The following PGGHG variants were observed in gnomAD, a reference collection of about 807,000 sequenced individuals.
The protein encoded by PGGHG is protein-glucosylgalactosylhydroxylysine glucosidase.
PGGHG carries 67 observed loss-of-function variants against 74.5 expected under a neutral mutation model. That is an observed-to-expected ratio of 0.90 (90% CI 0.74 to 1.10). PGGHG has a LOEUF of 1.10. Ranked by LOEUF, PGGHG falls within the 50% of genes least tolerant of loss-of-function variation. The probability of loss-of-function intolerance (pLI) is 0.00; values close to 1 mark genes in which losing one functional copy is unlikely to be tolerated. For missense variants in PGGHG, 1,034 were observed against 981.5 expected, an observed-to-expected ratio of 1.05 and a Z score of -0.72; for synonymous variants, 496 against 419.9, an observed-to-expected ratio of 1.18 and a Z score of -2.21.
At position 293,701 on chromosome 11, in the gene PGGHG, TC is replaced by T. The variant is rs748886509; in HGVS notation, c.1594del (p.Gln532ArgfsTer5). The T allele has an allele frequency of 6.2e-7, 1 of 1,610,262 alleles. No individual in the cohort carries two copies. The highest frequency in any genetic ancestry group is 1.1e-5 in the South Asian group (1 of 90,698). ...KNLEIYEAVTSPQGPAMTWSM... is the reference protein window; with the variant it reads ...KNLEIYEAVTXPQGPAMTWSM... The stretch of plus-strand genomic sequence containing the variant: ...TCTGGAGATTTACGAGGCTGTGACG[TC>T]CCCCCAGGGCCCCGCCATGACCTGG... On this transcript the variant is annotated frameshift_variant, in exon 10 of 14. Coordinates refer to ENST00000409548, the MANE Select transcript of PGGHG (RefSeq NM_025092.5). LOFTEE classifies it high-confidence loss of function.
rs752937899 is a variant in PGGHG, at chr11:292,912, T to C, written c.1185T>C (p.Gly395=). Residue 395 remains glycine, a synonymous_variant, in exon 7 of 14, where the codon GGT becomes GGC. Coordinates refer to ENST00000409548, the MANE Select transcript of PGGHG (RefSeq NM_025092.5). ...ACCTGCAGCTATTTCGAGAGGCTGG[T>C]GGCTGGGACGTGGTCAGGGCTGTGG... ...TQDLQLFREA[G]GWDVVRAVAE... The C allele has an allele frequency of 6.2e-7, 1 of 1,613,802 alleles. No individual in the cohort carries two copies.
Position 294,182 on chromosome 11 carries a change from G to A in PGGHG, c.1794G>A (p.Gly598=). ...MGGFLQAVVF[G]CTGFRVTRAG... is the part of the protein sequence containing the mutation. ...GCTTCCTGCAGGCGGTGGTCTTCGG[G>A]TGCACGGGGTTCAGGTAAGTGCAGA... is the stretch of plus-strand genomic sequence containing the variant. The change falls in exon 12 of 14, where the codon GGG becomes GGA. Residue 598 remains glycine, a synonymous_variant. Coordinates refer to ENST00000409548, the MANE Select transcript of PGGHG (RefSeq NM_025092.5). The A allele has an allele frequency of 6.2e-7, 1 of 1,611,366 alleles. No homozygotes were observed. The highest frequency in any genetic ancestry group is 1.1e-5 in the South Asian group (1 of 90,720).
rs1060819 is a variant in PGGHG at position 295,527 on chromosome 11, T to C, written c.*778T>C. The C allele has an allele frequency of 0.72, 109,313 of 152,244 alleles. 39,488 individuals carry two copies. Among genetic ancestry groups the C allele is most frequent in the Middle Eastern group, 0.77 (228 of 296 alleles). The allele number at this position is 152,244 out of a possible 1,614,324, so 9.4% of individuals were successfully genotyped here. On this transcript the variant is annotated 3_prime_UTR_variant, in exon 14 of 14. Transcript: ENST00000409548. Reference sequence around the variant, plus strand: ...TCAAGGCCCTGGCCCTGCCCAGCCTTTGTCTTGGGAGCTCAGCCCCAGGGT... The same window carrying C: ...TCAAGGCCCTGGCCCTGCCCAGCCTCTGTCTTGGGAGCTCAGCCCCAGGGT...
At position 289,560 on chromosome 11, in the gene PGGHG, GGA is replaced by G. The variant is rs1564838371; in HGVS notation, c.-13-239_-13-238del. ...GACTGGAATTCTAAGGTAGCAGGAG[GGA>G]GAGACACACTCAGGGGCTCAGCTGG... On this transcript the variant is annotated intron_variant, in intron 1 of 13. Coordinates refer to ENST00000409548, the MANE Select transcript of PGGHG (RefSeq NM_025092.5). The surrounding 1 kb of genome is among the most constrained non-coding windows in gnomAD (Gnocchi z 5.6). 3 of 553,688 alleles carry G rather than the reference GGA, an allele frequency of 5.4e-6. No individual in the cohort carries two copies. The allele number at this position is 553,688 out of a possible 1,614,324, so 34.3% of individuals were successfully genotyped here. A position where few individuals can be genotyped will look rare whatever the true frequency, so the allele number is the denominator to read the frequency against.
In PGGHG at chr11:289,456, C is replaced by A. The variant is rs1649706082; in HGVS notation, c.-14+217C>A. 1.0e-5 allele frequency: 2 copies of A among 195,500 alleles called. No individual in the cohort carries two copies. The highest frequency in any genetic ancestry group is 5.6e-5 in the Admixed American group (1 of 17,804). 12.1% of individuals were successfully genotyped at this position (195,500 alleles called of 1,614,324 possible). A position where few individuals can be genotyped will look rare whatever the true frequency, so the allele number is the denominator to read the frequency against. ...CACACACGCCCGCCCCCACGTGCCACCAACAGACGCAGGTCCCGACCACAG... is the reference window on the plus strand; with the variant it reads ...CACACACGCCCGCCCCCACGTGCCAACAACAGACGCAGGTCCCGACCACAG... On this transcript the variant is annotated intron_variant, in intron 1 of 13. Coordinates refer to ENST00000409548, the MANE Select transcript of PGGHG (RefSeq NM_025092.5). This position sits in a 1 kb window ranked among gnomAD's most constrained non-coding sequence, Gnocchi z 5.6.
In PGGHG at chr11:289,162, C is replaced by G. The variant is rs1033319340; in HGVS notation, c.-91C>G. ...TGGTGGCGCGGCAGCCGGGCGGCTC[C>G]TCCTTCCTCCCGGCCCTGGCGTGGA... On this transcript the variant is annotated 5_prime_UTR_variant, in exon 1 of 14. Transcript: ENST00000409548. This position sits in a 1 kb window ranked among gnomAD's most constrained non-coding sequence, Gnocchi z 5.6. 3 of 151,194 alleles carry G rather than the reference C, an allele frequency of 2.0e-5. No homozygotes were observed. Among genetic ancestry groups the G allele is most frequent in the Non-Finnish European group, 3.0e-5 (2 of 67,464 alleles). 9.4% of individuals were successfully genotyped at this position (151,194 alleles called of 1,614,324 possible). A position where few individuals can be genotyped will look rare whatever the true frequency, so the allele number is the denominator to read the frequency against.
intron 5 of PGGHG, 71 bp downstream of exon 5, chr11:292,166 G>A (rs1845742698): frequency 1.4e-6 from 2 of 1,460,014 alleles, no homozygotes; most frequent in South Asian, 2.8e-5. Context: ...TCCCAGGCCT[G>A]TATCCCTCTC....
Position 289,565 on chromosome 11 carries a change from G to C in PGGHG, c.-13-239G>C. ...GAATTCTAAGGTAGCAGGAGGGAGA[G>C]ACACACTCAGGGGCTCAGCTGGGTT... On this transcript the variant is annotated intron_variant, in intron 1 of 13. Transcript: ENST00000409548. The surrounding 1 kb of genome is among the most constrained non-coding windows in gnomAD (Gnocchi z 5.6). 3.6e-6 allele frequency: 2 copies of C among 560,216 alleles called. 1 individual carries two copies. The highest frequency in any genetic ancestry group is 4.7e-5 in the South Asian group (2 of 42,162). 34.7% of individuals were successfully genotyped at this position (560,216 alleles called of 1,614,324 possible).
chr11:290,664 C>G lies in PGGHG; in HGVS notation c.471-14C>G, dbSNP rs759823292. 1 of 1,609,488 alleles carries G rather than the reference C, an allele frequency of 6.2e-7. No homozygotes were observed. Among genetic ancestry groups the G allele is most frequent in the East Asian group, 2.2e-5 (1 of 44,794 alleles). On this transcript the variant is annotated splice_polypyrimidine_tract_variant and intron_variant, in intron 3 of 13. Coordinates refer to ENST00000409548, the MANE Select transcript of PGGHG (RefSeq NM_025092.5). The stretch of plus-strand genomic sequence containing the variant: ...GAGGGAGCTCATCCCTGAGGCATGG[C>G]CACGCTCTCACAGGTACCTGTATGG...
chr11:291,767 G>C (rs1039505450), intron 4 of PGGHG: 1 of 659,324 alleles, frequency 1.5e-6, no homozygotes, highest in Non-Finnish European at 2.4e-6. Context: ...GGGAGGCGAA[G>C]TGTGGGGCTG....
At position 289,588 on chromosome 11, in the gene PGGHG, G is replaced by A. The variant is rs1845654995; in HGVS notation, c.-13-216G>A. On this transcript the variant is annotated intron_variant, in intron 1 of 13. Transcript: ENST00000409548. This position sits in a 1 kb window ranked among gnomAD's most constrained non-coding sequence, Gnocchi z 5.6. ...GAGACACACTCAGGGGCTCAGCTGG[G>A]TTCCTGGAGATCAACCTTTGGGGTC... The A allele has an allele frequency of 3.3e-6, 2 of 600,260 alleles. No homozygotes were observed. The highest frequency in any genetic ancestry group is 1.9e-5 in the African/African-American group (1 of 53,598). The allele number at this position is 600,260 out of a possible 1,614,324, so 37.2% of individuals were successfully genotyped here.
Position 290,479 on chromosome 11 carries a change from C to T in PGGHG, c.349C>T (p.Arg117Ter). ...CACGCTGCCCCACGTGCTGGCTTTC[C>T]GAGTGTCCATCGCCCGCCTGGCCCC... is the stretch of plus-strand genomic sequence containing the variant. ...HRTLPHVLAF[R>*]VSIARLAPGS... The change falls in exon 3 of 14, where the codon CGA becomes TGA. Residue 117 changes from arginine (R) to a stop codon, truncating the protein, a stop_gained. Coordinates refer to ENST00000409548, the MANE Select transcript of PGGHG (RefSeq NM_025092.5). LOFTEE classifies it high-confidence loss of function. The T allele has an allele frequency of 1.9e-6, 3 of 1,550,188 alleles. No individual in the cohort carries two copies. Among genetic ancestry groups the T allele is most frequent in the East Asian group, 2.4e-5 (1 of 40,912 alleles).
At chr11:291,658 T>G in intron 4 of PGGHG, 1 of 320,110 alleles carries the variant, frequency 3.1e-6, no homozygotes. Context: ...GGCCGTTTCT[T>G]TGATGAGGCT....
In PGGHG at chr11:290,669, C is replaced by G. The variant is rs1466726186; in HGVS notation, c.471-9C>G. 1 of 1,609,256 alleles carries G rather than the reference C, an allele frequency of 6.2e-7. No individual in the cohort carries two copies. The highest frequency in any genetic ancestry group is 8.5e-7 in the Non-Finnish European group (1 of 1,177,506). ...AGCTCATCCCTGAGGCATGGCCACG[C>G]TCTCACAGGTACCTGTATGGCCACA... On this transcript the variant is annotated splice_polypyrimidine_tract_variant and intron_variant, in intron 3 of 13. Transcript: ENST00000409548.
chr11:290,273 C>A, intron 2 of PGGHG, 117 bp from the exon 3 acceptor site: 1 of 1,369,522 alleles, frequency 7.3e-7, no homozygotes, highest in South Asian at 1.4e-5. Context: ...GAACGAGCAG[C>A]CGAGGGCCCA....
intron 6 of PGGHG, 26 bp downstream of exon 6, chr11:292,703 C>T (rs1307285214): frequency 1.2e-6 from 2 of 1,613,224 alleles, no homozygotes; most frequent in East Asian, 4.5e-5. Flanking sequence ...CCCACCATTC[C>T]TGCAAGTGTG....
Position 291,957 on chromosome 11 carries a change from C to G in PGGHG, c.907-19C>G. ...AGTGACGGCCTGTCCGGCGCTAGAA[C>G]GAGGGACCGTGCTCTCAGGACCTCT... is the stretch of plus-strand genomic sequence containing the variant. On this transcript the variant is annotated intron_variant, in intron 4 of 13. Coordinates refer to ENST00000409548, the MANE Select transcript of PGGHG (RefSeq NM_025092.5). The G allele has an allele frequency of 6.3e-7, 1 of 1,595,314 alleles. No homozygotes were observed. Among genetic ancestry groups the G allele is most frequent in the Admixed American group, 1.8e-5 (1 of 56,800 alleles).
chr11:290,841 C>T lies in PGGHG; in HGVS notation c.634C>T (p.Gln212Ter), dbSNP rs1259670635. The change falls in exon 4 of 14, where the codon CAG becomes TAG. Residue 212 changes from glutamine to a stop codon, truncating the protein, a stop_gained. Coordinates refer to ENST00000409548, the MANE Select transcript of PGGHG (RefSeq NM_025092.5). LOFTEE classifies it high-confidence loss of function. ...AGTGGGCGGCAGCCAGGCTGAGGCT[C>T]AGGCCTGCCTCACTGAGGCCCTGCA... ...TAVGGSQAEA[Q>*]ACLTEALQLQ... 1 of 1,612,136 alleles carries T rather than the reference C, an allele frequency of 6.2e-7. No homozygotes were observed. The highest frequency in any genetic ancestry group is 1.7e-5 in the Admixed American group (1 of 59,932).
At position 291,919 on chromosome 11, in the gene PGGHG, G is replaced by A. The variant is rs1590285945; in HGVS notation, c.907-57G>A. The A allele has an allele frequency of 3.9e-6, 6 of 1,542,158 alleles. No individual in the cohort carries two copies. In the East Asian group the frequency reaches 1.4e-4, roughly 35 times the overall value. On this transcript the variant is annotated intron_variant, in intron 4 of 13. Coordinates refer to ENST00000409548, the MANE Select transcript of PGGHG (RefSeq NM_025092.5). ...CTCTGCCGGGGCGGAATGTGGCCAG[G>A]AGGGGCGGGAGCAGTGACGGCCTGT...
Sources: gnomAD v4.1 joint callset for allele counts on GRCh38, gnomAD v4.1.1 for gene constraint, Gnocchi (gnomAD v3.1) non-coding constraint, MANE v1.5 for transcripts, NCBI Gene and HGNC (gene_info 2026-07-23, HGNC 2026-07-21) for gene names.